Variants in CPNE4 observed in about 807,000 individuals in gnomAD.
The protein encoded by CPNE4 is copine 4.
In CPNE4, 25 loss-of-function variants were observed where a neutral mutation model predicts 67.9. The ratio of observed to expected loss-of-function variants is 0.37; its 90% CI spans 0.27 to 0.51. The LOEUF (loss-of-function observed/expected upper bound fraction) is 0.51. CPNE4 is among the 20% of genes least tolerant of loss of function. The pLI is 0.93. For synonymous variants in CPNE4, 242 were observed against 244.9 expected (o/e 0.99, Z 0.11); for missense variants, 464 against 690.8 (o/e 0.67, Z 3.68).
At chr3:131,771,817 T>C (rs80012468) in intron 2 of CPNE4, among the ~76,000 whole-genome samples, 1,688 of 152,282 alleles carry the variant, frequency 0.011, 28 homozygotes, top group African/African-American at 0.039. Context: ...GTTGATACTA[T>C]CTGAAAATGG....
intron 15 of CPNE4, among the ~76,000 whole-genome samples, chr3:131,540,255 C>T (rs1935403606): frequency 6.6e-6 from 1 of 152,120 alleles, no homozygotes; most frequent in African/African-American, 2.4e-5. Context: ...ACACTGCAGC[C>T]CTCCTTAAAA....
intron 1 of CPNE4, among the ~76,000 whole-genome samples, chr3:132,005,279 C>CA (rs201220575): frequency 0.013 from 1,681 of 125,880 alleles, 16 homozygotes; most frequent in Non-Finnish European, 0.021. Context: ...TAATAGTCAC[C>CA]AAAAAACAAC....
At chr3:131,662,625 A>AAAAC (rs35883295) in intron 7 of CPNE4, among the ~76,000 whole-genome samples, 52,375 of 151,724 alleles carry the variant, frequency 0.35, 9,457 homozygotes, top group African/African-American at 0.44. Context: ...TTACAAGAAA[A>AAAAC]AAACAACCCC....
At chr3:131,728,875 A>T (rs548652426) in intron 2 of CPNE4, among the ~76,000 whole-genome samples, 1 of 136,198 alleles carries the variant, frequency 7.3e-6, no homozygotes, top group Non-Finnish European at 1.5e-5. Flanking sequence ...AGGCCACTGC[A>T]CTCCAGCCTG....
At chr3:131,757,401 C>T (rs546079566) in intron 2 of CPNE4, among the ~76,000 whole-genome samples, 1 of 152,262 alleles carries the variant, frequency 6.6e-6, no homozygotes, top group African/African-American at 2.4e-5. Flanking sequence ...TGGCATTTTG[C>T]CCCTGCCATA....
chr3:131,656,710 C>T (rs1158764796), intron 7 of CPNE4, among the ~76,000 whole-genome samples: 1 of 152,190 alleles, frequency 6.6e-6, no homozygotes, highest in African/African-American at 2.4e-5. Flanking sequence ...AGGACTCAAA[C>T]TATAAACATG....
chr3:131,817,187 G>A (rs1251305557), intron 2 of CPNE4, among the ~76,000 whole-genome samples: 1 of 152,152 alleles, frequency 6.6e-6, no homozygotes, highest in Non-Finnish European at 1.5e-5. Flanking sequence ...AGAAAGCAAA[G>A]CAGGGTTGGG....
In CPNE4 at chr3:131,686,211, A is replaced by G. The variant is rs542043312; in HGVS notation, c.508-253T>C. Among the ~76,000 whole-genome samples the G allele has an allele frequency of 9.8e-5, 15 of 152,320 alleles. No individual in the cohort carries two copies. The East Asian group carries it at 2.5e-3, about 26-fold the overall frequency. ...TCCACCCTTGGCTAGAATGGACTGC[A>G]TCTGAAAGCTAAGTTCTTTGTAAAG... On this transcript the variant is annotated intron_variant, in intron 5 of 15. Transcript: ENST00000429747.
chr3:131,834,491 A>T (rs1392792215), intron 2 of CPNE4, among the ~76,000 whole-genome samples: 1 of 152,172 alleles, frequency 6.6e-6, no homozygotes, highest in East Asian at 1.9e-4. Context: ...TTCTTTGAAG[A>T]AAAAGCGTAT....
intron 1 of CPNE4, among the ~76,000 whole-genome samples, chr3:131,915,980 C>T (rs2089166861): frequency 6.6e-6 from 1 of 152,022 alleles, no homozygotes; most frequent in Admixed American, 6.6e-5. Flanking sequence ...ATAAGTGTAA[C>T]CGAATAATTT....
chr3:131,926,602 C>T (rs577694205), intron 1 of CPNE4, among the ~76,000 whole-genome samples: 1 of 152,102 alleles, frequency 6.6e-6, no homozygotes, highest in South Asian at 2.1e-4. Context: ...GTTACCAATC[C>T]GTGGACTTTC....
intron 2 of CPNE4, among the ~76,000 whole-genome samples, chr3:131,737,990 T>C (rs1216531064): frequency 6.6e-6 from 1 of 152,220 alleles, no homozygotes; most frequent in African/African-American, 2.4e-5. Flanking sequence ...TGCATATGAT[T>C]TTTTCAGCAC....
chr3:131,593,997 C>T (rs551945876), intron 7 of CPNE4, among the ~76,000 whole-genome samples: 22 of 152,248 alleles, frequency 1.4e-4, no homozygotes, highest in Middle Eastern at 3.4e-3. Flanking sequence ...GGATTACAGG[C>T]GTGAGCCACC....
At chr3:131,958,541 G>A (rs1213721185) in intron 1 of CPNE4, among the ~76,000 whole-genome samples, 4 of 149,944 alleles carry the variant, frequency 2.7e-5, no homozygotes, top group Non-Finnish European at 4.4e-5. Flanking sequence ...GAGACCTGGA[G>A]TCAAATTCAA....
chr3:131,972,998 T>C (rs999361024), intron 1 of CPNE4, among the ~76,000 whole-genome samples: 2 of 152,226 alleles, frequency 1.3e-5, no homozygotes, highest in Non-Finnish European at 2.9e-5. Flanking sequence ...GGTCTACAAC[T>C]AGCTTAAGTC....
intron 6 of CPNE4, among the ~76,000 whole-genome samples, chr3:131,674,550 TAG>T (rs1439374075): frequency 6.6e-6 from 1 of 151,976 alleles, no homozygotes; most frequent in African/African-American, 2.4e-5. Context: ...TCAATCTTGG[TAG>T]ATTGTATGGG....
intron 3 of CPNE4, 58 bp downstream of exon 3, chr3:131,723,388 G>A: frequency 6.9e-7 from 1 of 1,440,510 alleles, no homozygotes; most frequent in Non-Finnish European, 9.6e-7. Flanking sequence ...GAGGGAAAGG[G>A]GGCAGGAAGA....
At chr3:131,940,341 G>A (rs1012141247) in intron 1 of CPNE4, among the ~76,000 whole-genome samples, 1 of 151,962 alleles carries the variant, frequency 6.6e-6, no homozygotes, top group Non-Finnish European at 1.5e-5. Context: ...ATGCACACAG[G>A]GGAGAGAAAT....
At chr3:131,658,116 T>C (rs532779073) in intron 7 of CPNE4, among the ~76,000 whole-genome samples, 18 of 146,564 alleles carry the variant, frequency 1.2e-4, no homozygotes, top group African/African-American at 4.1e-4. Flanking sequence ...ATTTATTTAT[T>C]TATATTTTAT....
Sources: allele counts gnomAD v4.1 joint callset (sites outside exome capture counted in the v4.1 genomes callset), GRCh38; gene constraint gnomAD v4.1.1; transcripts MANE v1.5; gene names NCBI Gene and HGNC (gene_info 2026-07-23, HGNC 2026-07-21).